Variants in CAMTA1 observed in about 807,000 individuals in gnomAD.
CAMTA1 encodes the protein calmodulin binding transcription activator 1.
In CAMTA1, 27 loss-of-function variants were observed where a neutral mutation model predicts 170.9. That is an observed-to-expected ratio of 0.16 (90% CI 0.12 to 0.22). CAMTA1 has a LOEUF of 0.22. CAMTA1 is among the 10% of genes least tolerant of loss of function. The pLI, the probability that CAMTA1 is intolerant of heterozygous loss-of-function variation, is 1.00. For missense variants in CAMTA1, 1,619 were observed against 2,217.2 expected, an observed-to-expected ratio of 0.73 and a Z score of 5.42; for synonymous variants, 833 against 891.5, an observed-to-expected ratio of 0.93 and a Z score of 1.17.
intron 7 of CAMTA1, among the ~76,000 whole-genome samples, chr1:7,660,144 G>A (rs1250851757): frequency 2.0e-5 from 3 of 152,116 alleles, no homozygotes; most frequent in South Asian, 2.1e-4. Context: ...GTGCAATCTC[G>A]GCTCACTGCA....
At chr1:6,840,060 C>T (rs755558318) in intron 3 of CAMTA1, among the ~76,000 whole-genome samples, 2 of 152,072 alleles carry the variant, frequency 1.3e-5, no homozygotes, top group Non-Finnish European at 2.9e-5. Context: ...ATTAGCCGGG[C>T]GTGGTGGCAC....
rs2095766855 is a variant in CAMTA1 at position 7,642,129 on chromosome 1, A to C, written c.664+1576A>C. Reference sequence around the variant, plus strand: ...TCCCACCACCCAGCTGGGCCTTCACACCCCTGTGCCCTGGCCTCCTCGAGC... The same window carrying C: ...TCCCACCACCCAGCTGGGCCTTCACCCCCCTGTGCCCTGGCCTCCTCGAGC... On this transcript the variant is annotated intron_variant, in intron 7 of 22. Coordinates refer to ENST00000303635, the MANE Select transcript of CAMTA1 (RefSeq NM_015215.4). The surrounding 1 kb of genome is among the most constrained non-coding windows in gnomAD (Gnocchi z 6.3). 1.3e-5 allele frequency among the ~76,000 whole-genome samples: 2 copies of C among 149,976 alleles called. No individual in the cohort carries two copies. Among genetic ancestry groups the C allele is most frequent in the African/African-American group, 2.5e-5 (1 of 40,590 alleles).
At chr1:6,973,178 C>T (rs1485419959) in intron 3 of CAMTA1, among the ~76,000 whole-genome samples, 1 of 152,188 alleles carries the variant, frequency 6.6e-6, no homozygotes. Flanking sequence ...AAGTGTACAA[C>T]ATGTGTTGCT....
At chr1:7,024,719 G>A (rs1309962530) in intron 3 of CAMTA1, among the ~76,000 whole-genome samples, 2 of 152,150 alleles carry the variant, frequency 1.3e-5, no homozygotes, top group Non-Finnish European at 2.9e-5. Flanking sequence ...GTGCTGCCAA[G>A]AATGAAAATG....
intron 6 of CAMTA1, among the ~76,000 whole-genome samples, chr1:7,473,381 C>T (rs966969862): frequency 2.0e-5 from 3 of 152,176 alleles, no homozygotes; most frequent in African/African-American, 4.8e-5. Context: ...GCAGAGGGAC[C>T]GGCAGTCCTA....
chr1:7,238,743 G>T (rs1389659625), intron 4 of CAMTA1, among the ~76,000 whole-genome samples: 5 of 152,178 alleles, frequency 3.3e-5, no homozygotes, highest in Non-Finnish European at 7.3e-5. Context: ...AATTAGCGGG[G>T]CGTGGGGCAT....
intron 6 of CAMTA1, among the ~76,000 whole-genome samples, chr1:7,529,107 C>G (rs1044010021): frequency 6.6e-6 from 1 of 152,144 alleles, no homozygotes; most frequent in Non-Finnish European, 1.5e-5. Flanking sequence ...GCCCATCCCA[C>G]GGGTCTGTTG....
chr1:7,708,185 G>T (rs1292744276), intron 11 of CAMTA1, among the ~76,000 whole-genome samples: 1 of 151,898 alleles, frequency 6.6e-6, no homozygotes, highest in South Asian at 2.1e-4. Flanking sequence ...ACAAAAATTA[G>T]CCAGGTGTGG....
At chr1:6,827,407 G>A (rs1647393167) in intron 3 of CAMTA1, among the ~76,000 whole-genome samples, 1 of 152,174 alleles carries the variant, frequency 6.6e-6, no homozygotes, top group African/African-American at 2.4e-5. Flanking sequence ...TCTCTGTAGA[G>A]GACCTTGACT....
At chr1:7,122,567 C>G (rs1437729839) in intron 4 of CAMTA1, among the ~76,000 whole-genome samples, 1 of 152,160 alleles carries the variant, frequency 6.6e-6, no homozygotes, top group East Asian at 1.9e-4. Flanking sequence ...TTCTGTCCAC[C>G]AGCATGCCGT....
intron 4 of CAMTA1, among the ~76,000 whole-genome samples, chr1:7,121,818 G>A (rs776482776): frequency 1.1e-4 from 16 of 152,098 alleles, no homozygotes; most frequent in Non-Finnish European, 2.2e-4. Context: ...AGGGAGAGCC[G>A]CGAGGGGGGT....
chr1:7,570,545 CTTTTAA>C lies in CAMTA1; in HGVS notation c.511-69852_511-69847del, dbSNP rs1004418306. 3.9e-5 allele frequency among the ~76,000 whole-genome samples: 6 copies of C among 152,234 alleles called. No homozygotes were observed. Among genetic ancestry groups the C allele is most frequent in the African/African-American group, 1.4e-4 (6 of 41,466 alleles). Reference sequence around the variant, plus strand: ...GACCTGGAGGCTGTTCTGCTATCAACTTTTAATTAAGGAAAGTCCTCTAGTGCCATT... The same window carrying C: ...GACCTGGAGGCTGTTCTGCTATCAACTTAAGGAAAGTCCTCTAGTGCCATT... On this transcript the variant is annotated intron_variant, in intron 6 of 22. Coordinates refer to ENST00000303635, the MANE Select transcript of CAMTA1 (RefSeq NM_015215.4). The surrounding 1 kb of genome is among the most constrained non-coding windows in gnomAD (Gnocchi z 4.3).
Position 7,173,063 on chromosome 1 carries a change from G to A in CAMTA1, c.303-76428G>A, listed in dbSNP as rs1449719397. ...GGACAGGCTGTGCGGGAGGCGCAGG[G>A]GTGAGGCTCCGAAGCAAGAGCAGCC... On this transcript the variant is annotated intron_variant, in intron 4 of 22. Coordinates refer to ENST00000303635, the MANE Select transcript of CAMTA1 (RefSeq NM_015215.4). This position sits in a 1 kb window ranked among gnomAD's most constrained non-coding sequence, Gnocchi z 5.4. 6.6e-6 allele frequency among the ~76,000 whole-genome samples: 1 copy of A among 152,216 alleles called. No homozygotes were observed. The highest frequency in any genetic ancestry group is 2.4e-5 in the African/African-American group (1 of 41,458).
intron 5 of CAMTA1, among the ~76,000 whole-genome samples, chr1:7,394,519 C>T (rs765932405): frequency 3.3e-5 from 5 of 152,062 alleles, no homozygotes; most frequent in Non-Finnish European, 5.9e-5. Context: ...AGGTTTTTTG[C>T]CCACTTTTTA....
At position 7,681,924 on chromosome 1, in the gene CAMTA1, T is replaced by C. The variant is rs1165167617; in HGVS notation, c.2914+4191T>C. Among the ~76,000 whole-genome samples the C allele has an allele frequency of 6.6e-6, 1 of 152,140 alleles. No individual in the cohort carries two copies. The highest frequency in any genetic ancestry group is 1.5e-5 in the Non-Finnish European group (1 of 68,030). ...GTGAGCGGAATTTTTGTGTGCCTCT[T>C]TCTTGTCTTACAGCATCTGATTCTC... On this transcript the variant is annotated intron_variant, in intron 11 of 22. Transcript: ENST00000303635. This position sits in a 1 kb window ranked among gnomAD's most constrained non-coding sequence, Gnocchi z 4.6.
chr1:6,979,382 T>C (rs928105494), intron 3 of CAMTA1, among the ~76,000 whole-genome samples: 2 of 152,188 alleles, frequency 1.3e-5, no homozygotes. Flanking sequence ...ATCAAGGTGC[T>C]AAATGGGTCT....
In CAMTA1 at chr1:7,085,926, G is replaced by A. The variant is rs547595792; in HGVS notation, c.235-5378G>A. ...AGGCAGTGACACCAGGTGCAGCATC[G>A]CAGTCCCCAGTCCTGCCCAGGCCTC... On this transcript the variant is annotated intron_variant, in intron 3 of 22. Coordinates refer to ENST00000303635, the MANE Select transcript of CAMTA1 (RefSeq NM_015215.4). 3.9e-5 allele frequency among the ~76,000 whole-genome samples: 6 copies of A among 152,298 alleles called. No individual in the cohort carries two copies. The East Asian group carries it at 5.8e-4, about 15-fold the overall frequency.
At chr1:7,591,325 G>T (rs1032354939) in intron 6 of CAMTA1, among the ~76,000 whole-genome samples, 1 of 152,212 alleles carries the variant, frequency 6.6e-6, no homozygotes, top group African/African-American at 2.4e-5. Flanking sequence ...AATTTACTTT[G>T]CTGCTAATGA....
chr1:7,581,780 C>A (rs540229553), intron 6 of CAMTA1, among the ~76,000 whole-genome samples: 3 of 152,370 alleles, frequency 2.0e-5, no homozygotes, highest in South Asian at 2.1e-4. Flanking sequence ...ATGGAAGGAG[C>A]ACTGTTTCTG....
Sources: gnomAD v4.1 joint callset for allele counts (sites outside exome capture counted in the v4.1 genomes callset) on GRCh38, gnomAD v4.1.1 for gene constraint, Gnocchi (gnomAD v3.1) non-coding constraint, MANE v1.5 for transcripts, NCBI Gene and HGNC (gene_info 2026-07-23, HGNC 2026-07-21) for gene names.